Variants in OR6N1 observed in about 807,000 individuals in gnomAD.
OR6N1 encodes the protein olfactory receptor 6N1.
For missense variants in OR6N1, 394 were observed against 371.7 expected, an observed-to-expected ratio of 1.06 and a Z score of -0.49; for synonymous variants, 170 against 150.7, an observed-to-expected ratio of 1.13 and a Z score of -0.94.
chr1:158,766,932 A>G (rs1657291230), intron 1 of OR6N1, among the ~76,000 whole-genome samples: 1 of 152,042 alleles, frequency 6.6e-6, no homozygotes, highest in Non-Finnish European at 1.5e-5. Flanking sequence ...AACACAGCTC[A>G]TTTTTGGCCT....
the OR6N1 span, among the ~76,000 whole-genome samples, chr1:158,840,352 AT>A: frequency 1.3e-5 from 2 of 152,138 alleles, no homozygotes; most frequent in Non-Finnish European, 2.9e-5. Context: ...GAAACTTACA[AT>A]CATGATGGAA....
At chr1:158,802,423 T>C in the OR6N1 span, among the ~76,000 whole-genome samples, 4 of 152,088 alleles carry the variant, frequency 2.6e-5, no homozygotes, top group Admixed American at 2.6e-4. Flanking sequence ...TTAGCCAAGA[T>C]GGTCTCGCTC....
At chr1:158,776,774 T>C, upstream of OR6N1, 1 of 1,614,044 alleles carries the variant, frequency 6.2e-7, no homozygotes, top group South Asian at 1.1e-5. Flanking sequence ...CTGTAGATAA[T>C]TGGATTGACC....
chr1:158,835,045 A>G, the OR6N1 span, among the ~76,000 whole-genome samples: 1 of 152,232 alleles, frequency 6.6e-6, no homozygotes, highest in African/African-American at 2.4e-5. Context: ...GAAAGCAGGA[A>G]GTCTGAAACC....
At chr1:158,784,949 C>T in the OR6N1 span, among the ~76,000 whole-genome samples, 5 of 152,122 alleles carry the variant, frequency 3.3e-5, no homozygotes, top group Admixed American at 6.5e-5. Flanking sequence ...TTTACTGCAC[C>T]AGTAATCACA....
chr1:158,793,117 T>G, the OR6N1 span, among the ~76,000 whole-genome samples: 1 of 152,170 alleles, frequency 6.6e-6, no homozygotes, highest in African/African-American at 2.4e-5. Flanking sequence ...TTTCCAGAAG[T>G]TCTCATTGTT....
the OR6N1 span, among the ~76,000 whole-genome samples, chr1:158,836,069 G>T: frequency 3.0e-4 from 45 of 151,588 alleles, no homozygotes; most frequent in African/African-American, 9.4e-4. Context: ...TGCATTCCAG[G>T]GATAAACCTT....
At chr1:158,805,420 G>A in the OR6N1 span, among the ~76,000 whole-genome samples, 5 of 152,082 alleles carry the variant, frequency 3.3e-5, no homozygotes, top group East Asian at 1.9e-4. Flanking sequence ...ATATCATAGC[G>A]CTTATAAAAG....
chr1:158,833,158 A>G, the OR6N1 span, among the ~76,000 whole-genome samples: 1 of 152,142 alleles, frequency 6.6e-6, no homozygotes, highest in African/African-American at 2.4e-5. Flanking sequence ...GATAGTAAAA[A>G]CACTAATTAA....
chr1:158,777,363 G>T, the OR6N1 span: 1 of 1,614,064 alleles, frequency 6.2e-7, no homozygotes, highest in Non-Finnish European at 8.5e-7. Context: ...CAAAAGAAAT[G>T]GTTTTCTTCT....
chr1:158,831,685 T>G, the OR6N1 span: 1 of 152,198 alleles, frequency 6.6e-6, no homozygotes, highest in Non-Finnish European at 1.5e-5. Flanking sequence ...AACTGAGAAC[T>G]GAATGCTTTA....
At chr1:158,832,472 T>C in the OR6N1 span, among the ~76,000 whole-genome samples, 1 of 151,854 alleles carries the variant, frequency 6.6e-6, no homozygotes. Flanking sequence ...TTTCTCATTG[T>C]AGTTCTTTTG....
the OR6N1 span, chr1:158,808,865 AC>A: frequency 8.5e-5 from 13 of 152,484 alleles, no homozygotes; most frequent in East Asian, 2.5e-3. Context: ...GGTGGCTGGC[AC>A]AAGTGCAGCT....
the OR6N1 span, among the ~76,000 whole-genome samples, chr1:158,786,504 C>G: frequency 1.3e-5 from 2 of 152,048 alleles, no homozygotes; most frequent in Admixed American, 6.5e-5. Context: ...GGTATTTACT[C>G]AAAGAAAAAG....
At chr1:158,828,533 G>A in the OR6N1 span, among the ~76,000 whole-genome samples, 3 of 152,212 alleles carry the variant, frequency 2.0e-5, no homozygotes, top group Non-Finnish European at 1.5e-5. Flanking sequence ...GCAAGAGGTA[G>A]GTTCCCATAG....
At chr1:158,829,000 C>A in the OR6N1 span, among the ~76,000 whole-genome samples, 1 of 152,230 alleles carries the variant, frequency 6.6e-6, no homozygotes, top group East Asian at 1.9e-4. Flanking sequence ...TCAGCCACTG[C>A]TGAAGTGGCT....
chr1:158,795,587 G>A, the OR6N1 span, among the ~76,000 whole-genome samples: 1 of 152,172 alleles, frequency 6.6e-6, no homozygotes. Context: ...CATCTCCAGT[G>A]GCATCTGGGA....
At chr1:158,770,876 T>C (rs1031501580) in intron 1 of OR6N1, among the ~76,000 whole-genome samples, 1 of 152,218 alleles carries the variant, frequency 6.6e-6, no homozygotes, top group African/African-American at 2.4e-5. Flanking sequence ...CTCTCCATTT[T>C]TGAAATGTTT....
chr1:158,766,174 C>T lies in OR6N1; in HGVS notation c.509G>A (p.Gly170Asp). ...ISLISRLPFC[G>D]PNRIQHVFCD... is the part of the protein sequence containing the mutation. ...AAAGACGTGCTGAATGCGATTGGGG[C>T]CACAGAATGGGAGGCGTGAAATCAA... Residue 170 changes from glycine to aspartate, a missense_variant, in exon 2 of 2, where the codon GGC becomes GAC. Transcript: ENST00000641846. 2 of 1,614,078 alleles carry T rather than the reference C, an allele frequency of 1.2e-6. No homozygotes were observed. Among genetic ancestry groups the T allele is most frequent in the Non-Finnish European group, 1.7e-6 (2 of 1,180,032 alleles).
Sources: allele counts gnomAD v4.1 joint callset (sites outside exome capture counted in the v4.1 genomes callset), GRCh38; gene constraint gnomAD v4.1.1; transcripts MANE v1.5; gene names NCBI Gene and HGNC (gene_info 2026-07-23, HGNC 2026-07-21).